Variants in ACVR1C observed in about 807,000 individuals in gnomAD.
ACVR1C encodes the protein activin receptor type-1C.
A neutral mutation model predicts 57.9 loss-of-function variants in ACVR1C; 23 were observed. That is an observed-to-expected ratio of 0.40 (90% CI 0.29 to 0.56). ACVR1C has a LOEUF of 0.56. Ranked by LOEUF, ACVR1C falls within the 20% of genes least tolerant of loss-of-function variation. The pLI, the probability that ACVR1C is intolerant of heterozygous loss-of-function variation, is 0.50. For missense variants in ACVR1C, 480 were observed against 607.9 expected (o/e 0.79, Z 2.21); for synonymous variants, 214 against 215.3 (o/e 0.99, Z 0.05).
At chr2:157,621,326 G>C (rs1682765537) in intron 1 of ACVR1C, among the ~76,000 whole-genome samples, 1 of 152,124 alleles carries the variant, frequency 6.6e-6, no homozygotes, top group Admixed American at 6.5e-5. Flanking sequence ...GAATTCAAGG[G>C]GCACATCATG....
intron 1 of ACVR1C, among the ~76,000 whole-genome samples, chr2:157,599,240 A>C (rs1429331858): frequency 4.3e-5 from 6 of 140,816 alleles, no homozygotes; most frequent in Non-Finnish European, 9.1e-5. Flanking sequence ...AGGCTGAGGC[A>C]GGAGAATGGC....
intron 6 of ACVR1C, 23 bp from the exon 7 acceptor site, chr2:157,541,237 G>A (rs1413937740): frequency 6.2e-7 from 1 of 1,606,900 alleles, no homozygotes. Context: ...GTACATTTCA[G>A]ATTCTGTCTA....
Position 157,552,006 on chromosome 2 carries a change from CAA to C in ACVR1C, c.545-1616_545-1615del, listed in dbSNP as rs1491527737. 2.0e-5 allele frequency among the ~76,000 whole-genome samples: 3 copies of C among 152,350 alleles called. No individual in the cohort carries two copies. In the East Asian group the frequency reaches 5.8e-4, roughly 29 times the overall value. ...GGCAAAACTGAGGCCCCTCGATAAT[CAA>C]AGTCTTTCCCAGGATTATGCTGCTA... On this transcript the variant is annotated intron_variant, in intron 3 of 8. Transcript: ENST00000243349.
chr2:157,584,331 C>A (rs1352992623), intron 2 of ACVR1C, among the ~76,000 whole-genome samples: 2 of 152,094 alleles, frequency 1.3e-5, no homozygotes, highest in Non-Finnish European at 2.9e-5. Context: ...GTCTCGATCT[C>A]CCGACCTTGT....
At chr2:157,600,257 A>G (rs1682251113) in intron 1 of ACVR1C, among the ~76,000 whole-genome samples, 1 of 152,228 alleles carries the variant, frequency 6.6e-6, no homozygotes, top group Non-Finnish European at 1.5e-5. Context: ...CTATTAAAGT[A>G]GAGAAGATAG....
chr2:157,606,819 A>T (rs1378387673), intron 1 of ACVR1C, among the ~76,000 whole-genome samples: 1 of 151,610 alleles, frequency 6.6e-6, no homozygotes, highest in Admixed American at 6.6e-5. Context: ...AGTTTAATAT[A>T]GTCCCATTTT....
intron 1 of ACVR1C, among the ~76,000 whole-genome samples, chr2:157,600,889 G>A (rs1163477805): frequency 1.3e-5 from 2 of 152,144 alleles, no homozygotes; most frequent in Non-Finnish European, 2.9e-5. Context: ...TAAAAAGGGC[G>A]CATCACCTAC....
intron 4 of ACVR1C, among the ~76,000 whole-genome samples, chr2:157,549,813 G>A (rs111261173): frequency 1.1e-4 from 14 of 131,200 alleles, no homozygotes; most frequent in Non-Finnish European, 1.4e-4. Flanking sequence ...GTGAAACCCC[G>A]TCTCTACTAA....
chr2:157,561,791 G>A (rs974027934), intron 2 of ACVR1C, among the ~76,000 whole-genome samples: 13 of 152,150 alleles, frequency 8.5e-5, no homozygotes, highest in Admixed American at 2.0e-4. Context: ...AGATGTTAAT[G>A]AGAACACATT....
At chr2:157,585,155 C>G (rs1688888731) in intron 2 of ACVR1C, among the ~76,000 whole-genome samples, 1 of 152,106 alleles carries the variant, frequency 6.6e-6, no homozygotes, top group Non-Finnish European at 1.5e-5. Flanking sequence ...ATGTGTGTGT[C>G]TAAACTCATC....
At chr2:157,534,095 G>A in intron 8 of ACVR1C, 52 bp from the exon 9 acceptor site, 1 of 1,351,156 alleles carries the variant, frequency 7.4e-7, no homozygotes, top group Non-Finnish European at 9.7e-7. Flanking sequence ...ACATAAAACA[G>A]AGCACAAAAG....
chr2:157,603,699 G>A (rs987425428), intron 1 of ACVR1C, among the ~76,000 whole-genome samples: 1 of 151,994 alleles, frequency 6.6e-6, no homozygotes, highest in South Asian at 2.1e-4. Flanking sequence ...ACTATTCCAT[G>A]TTAACAAATT....
chr2:157,576,829 A>G (rs1688665283), intron 2 of ACVR1C, among the ~76,000 whole-genome samples: 1 of 99,026 alleles, frequency 1.0e-5, no homozygotes, highest in Non-Finnish European at 2.0e-5. Context: ...TGGGCTTTGA[A>G]ATTTTCTTTT....
At chr2:157,577,923 C>G (rs1193146624) in intron 2 of ACVR1C, among the ~76,000 whole-genome samples, 3 of 152,018 alleles carry the variant, frequency 2.0e-5, no homozygotes, top group African/African-American at 7.3e-5. Context: ...TGCTCCCACC[C>G]AGGCTGGAGT....
At chr2:157,534,253 C>T (rs375736606) in intron 8 of ACVR1C, among the ~76,000 whole-genome samples, 16 of 151,816 alleles carry the variant, frequency 1.1e-4, no homozygotes, top group African/African-American at 3.1e-4. Flanking sequence ...TGTGCTCAAC[C>T]GATATTCCTG....
In ACVR1C at chr2:157,628,567, C is replaced by G. The variant is rs1363309449; in HGVS notation, c.73+5G>C. The G allele has an allele frequency of 2.5e-6, 4 of 1,607,366 alleles. No individual in the cohort carries two copies. Among genetic ancestry groups the G allele is most frequent in the Non-Finnish European group, 3.4e-6 (4 of 1,177,516 alleles). On this transcript the variant is annotated splice_donor_5th_base_variant and intron_variant, in intron 1 of 8. Coordinates refer to ENST00000243349, the MANE Select transcript of ACVR1C (RefSeq NM_145259.3). ...CGGGCGTCGGGAGAGAAACCAGCAC[C>G]GTACCTGGCGAGAGCTCGGCGGCCG...
chr2:157,584,128 T>C (rs1305751554), intron 2 of ACVR1C, among the ~76,000 whole-genome samples: 1 of 151,890 alleles, frequency 6.6e-6, no homozygotes, highest in Non-Finnish European at 1.5e-5. Flanking sequence ...AAAGGACTTG[T>C]ATTCAGAATA....
rs548663940 is a variant in ACVR1C at position 157,533,331 on chromosome 2, G to T, written c.*587C>A. ...TGCAGTAGTGGATTATGAAGAACAG[G>T]AGAACAGCAGAAGGGGAGACCAAGC... is the stretch of plus-strand genomic sequence containing the variant. On this transcript the variant is annotated 3_prime_UTR_variant, in exon 9 of 9. Transcript: ENST00000243349. 6.6e-6 allele frequency: 1 copy of T among 152,352 alleles called. No individual in the cohort carries two copies. The highest frequency in any genetic ancestry group is 1.5e-5 in the Non-Finnish European group (1 of 68,036). 9.4% of individuals were successfully genotyped at this position (152,352 alleles called of 1,614,324 possible).
In ACVR1C at chr2:157,538,654, A is replaced by C; in HGVS notation, c.1275T>G (p.Asp425Glu). ...CCTTTCTCATTTCCTCTATCGAGGGATCTGAAGGCACCATGTCATAATAAG... is the reference window on the plus strand; with the variant it reads ...CCTTTCTCATTTCCTCTATCGAGGGCTCTGAAGGCACCATGTCATAATAAG... ...QLPYYDMVPS[D>E]PSIEEMRKVV... The change falls in exon 8 of 9, where the codon GAT becomes GAG. Residue 425 changes from aspartate to glutamate, a missense_variant. Physicochemically the swap from Asp to Glu is conservative, Grantham distance 45. Transcript: ENST00000243349. 6.3e-7 allele frequency: 1 copy of C among 1,579,998 alleles called. No homozygotes were observed. Among genetic ancestry groups the C allele is most frequent in the Non-Finnish European group, 8.6e-7 (1 of 1,163,514 alleles).
Sources: allele counts gnomAD v4.1 joint callset (sites outside exome capture counted in the v4.1 genomes callset), GRCh38; gene constraint gnomAD v4.1.1; transcripts MANE v1.5; gene names NCBI Gene and HGNC (gene_info 2026-07-23, HGNC 2026-07-21).